Variants in C1orf105 observed in about 807,000 individuals in gnomAD.
The protein encoded by C1orf105 is uncharacterized protein C1orf105.
C1orf105 carries 17 observed loss-of-function variants against 20.8 expected under a neutral mutation model. The observed-to-expected ratio is 0.82, with a 90% confidence interval of 0.56 to 1.23. The LOEUF is 1.23. Among genes scored for constraint, C1orf105 ranks in the 50% most tolerant of loss-of-function variants. The pLI is 0.00. For missense variants in C1orf105, 219 were observed against 213.5 expected, an observed-to-expected ratio of 1.03 and a Z score of -0.16; for synonymous variants, 72 against 72.1, an observed-to-expected ratio of 1.00 and a Z score of 0.01.
At chr1:172,437,277 C>T (rs551643121) in intron 1 of C1orf105, among the ~76,000 whole-genome samples, 17 of 152,260 alleles carry the variant, frequency 1.1e-4, no homozygotes, top group Non-Finnish European at 2.2e-4. Context: ...TATAAAGACA[C>T]ATGCACACGT....
At chr1:172,438,431 G>A (rs1455660642) in intron 1 of C1orf105, among the ~76,000 whole-genome samples, 1 of 152,196 alleles carries the variant, frequency 6.6e-6, no homozygotes, top group Non-Finnish European at 1.5e-5. Flanking sequence ...GACTTCAGCG[G>A]AGCAAATAAC....
chr1:172,448,490 A>C lies in C1orf105; in HGVS notation c.157A>C (p.Asn53His). 6.2e-7 allele frequency: 1 copy of C among 1,613,728 alleles called. No individual in the cohort carries two copies. The highest frequency in any genetic ancestry group is 1.3e-5 in the African/African-American group (1 of 75,040). Residue 53 changes from asparagine (N) to histidine (H), a missense_variant, in exon 3 of 7, where the codon AAT becomes CAT. By Grantham distance (68) the Asn-to-His change is moderately conservative. Transcript: ENST00000367727. The part of the protein sequence containing the change: ...TFLTSSKKNM[N>H]LPILFQVPDV... Reference sequence around the variant, plus strand: ...TCTGACTTCATCCAAGAAGAATATGAATTTGCCAATTTTGTTTCAAGTTCC... The same window carrying C: ...TCTGACTTCATCCAAGAAGAATATGCATTTGCCAATTTTGTTTCAAGTTCC...
intron 5 of C1orf105, among the ~76,000 whole-genome samples, chr1:172,463,734 A>T (rs1423997825): frequency 6.6e-6 from 1 of 152,218 alleles, no homozygotes; most frequent in African/African-American, 2.4e-5. Context: ...TTTAAATACA[A>T]AATTCCAGAA....
intron 3 of C1orf105, among the ~76,000 whole-genome samples, chr1:172,451,867 C>T (rs183929790): frequency 7.5e-3 from 636 of 84,902 alleles, no homozygotes; most frequent in African/African-American, 9.2e-3. Flanking sequence ...TATATGGATT[C>T]TTTTTTTTTT....
At chr1:172,442,575 C>T (rs771428614) in intron 1 of C1orf105, 3 of 1,614,064 alleles carry the variant, frequency 1.9e-6, no homozygotes, top group Non-Finnish European at 2.5e-6. Flanking sequence ...CATACAAGAC[C>T]TTCTGCCACT....
At chr1:172,445,572 C>A (rs1573862877) in intron 2 of C1orf105, among the ~76,000 whole-genome samples, 1 of 152,190 alleles carries the variant, frequency 6.6e-6, no homozygotes, top group Non-Finnish European at 1.5e-5. Context: ...TTTGAGGCAC[C>A]CTCCTACATT....
chr1:172,437,979 T>C (rs1189605947), intron 1 of C1orf105, among the ~76,000 whole-genome samples: 14 of 152,100 alleles, frequency 9.2e-5, no homozygotes, highest in Admixed American at 9.2e-4. Flanking sequence ...TCATTTACCA[T>C]TCTGAAAATC....
At chr1:172,431,133 A>C (rs2071862498) in intron 1 of C1orf105, 2 of 573,658 alleles carry the variant, frequency 3.5e-6, no homozygotes, top group Non-Finnish European at 6.2e-6. Flanking sequence ...TGTTCAAATG[A>C]AGAGTTGCAC....
chr1:172,442,563 C>G (rs748493202), intron 1 of C1orf105: 2 of 1,614,094 alleles, frequency 1.2e-6, no homozygotes, highest in Non-Finnish European at 1.7e-6. Flanking sequence ...AGGGCTGTCG[C>G]TCATACAAGA....
intron 6 of C1orf105, chr1:172,465,777 C>G (rs1650004499): frequency 9.6e-6 from 4 of 415,648 alleles, no homozygotes; most frequent in South Asian, 1.7e-5. Flanking sequence ...TCCACCAGCT[C>G]CCTAAAATAC....
At chr1:172,463,236 A>G (rs1649820316) in intron 5 of C1orf105, among the ~76,000 whole-genome samples, 1 of 152,094 alleles carries the variant, frequency 6.6e-6, no homozygotes. Flanking sequence ...AAGTAGACAT[A>G]CACTCACCTT....
intron 4 of C1orf105, among the ~76,000 whole-genome samples, chr1:172,461,592 T>G (rs1468199931): frequency 1.3e-5 from 2 of 152,220 alleles, no homozygotes; most frequent in Non-Finnish European, 2.9e-5. Context: ...TACATTGATT[T>G]TAGGCCTATA....
At chr1:172,425,476 G>A (rs989006376) in intron 1 of C1orf105, among the ~76,000 whole-genome samples, 2 of 152,110 alleles carry the variant, frequency 1.3e-5, no homozygotes, top group Admixed American at 6.5e-5. Context: ...AAGTATAGGC[G>A]TGGTCTAAGC....
intron 1 of C1orf105, among the ~76,000 whole-genome samples, chr1:172,433,416 C>T (rs926624185): frequency 1.3e-5 from 2 of 152,140 alleles, no homozygotes; most frequent in African/African-American, 4.8e-5. Flanking sequence ...CAGCAGAAAC[C>T]CTACAAGCCA....
At chr1:172,466,705 G>T (rs1294156859) in intron 6 of C1orf105, among the ~76,000 whole-genome samples, 6 of 152,020 alleles carry the variant, frequency 3.9e-5, no homozygotes, top group Admixed American at 3.9e-4. Context: ...TTTCATCAAT[G>T]TATTATCTCT....
chr1:172,466,622 A>G (rs979158772), intron 6 of C1orf105, among the ~76,000 whole-genome samples: 14 of 150,514 alleles, frequency 9.3e-5, no homozygotes, highest in Non-Finnish European at 1.8e-4. Flanking sequence ...ACACAATCAC[A>G]CACAATCATT....
At chr1:172,458,460 G>A (rs1469565371) in intron 4 of C1orf105, among the ~76,000 whole-genome samples, 1 of 152,022 alleles carries the variant, frequency 6.6e-6, no homozygotes, top group Non-Finnish European at 1.5e-5. Context: ...ATTTGTAATA[G>A]CATCAAAAAT....
At chr1:172,424,168 T>A (rs2071663315) in intron 1 of C1orf105, among the ~76,000 whole-genome samples, 2 of 152,308 alleles carry the variant, frequency 1.3e-5, no homozygotes, top group South Asian at 4.1e-4. Flanking sequence ...CCAGTTCACA[T>A]CTTCAATGAA....
intron 1 of C1orf105, among the ~76,000 whole-genome samples, chr1:172,423,002 C>T (rs1424947549): frequency 1.3e-5 from 2 of 152,192 alleles, no homozygotes; most frequent in Non-Finnish European, 2.9e-5. Context: ...GTTTCCAACT[C>T]CAGGCCCTGA....
Sources: allele counts gnomAD v4.1 joint callset (sites outside exome capture counted in the v4.1 genomes callset), GRCh38; gene constraint gnomAD v4.1.1; transcripts MANE v1.5; gene names NCBI Gene and HGNC (gene_info 2026-07-23, HGNC 2026-07-21).